MAST4: variants seen among roughly 807,000 people sequenced by gnomAD.
MAST4 encodes microtubule-associated serine/threonine-protein kinase 4.
A neutral mutation model predicts 162.7 loss-of-function variants in MAST4; 89 were observed. The ratio of observed to expected loss-of-function variants is 0.55; its 90% CI spans 0.46 to 0.65. The LOEUF (loss-of-function observed/expected upper bound fraction) is 0.65. MAST4 is among the 30% of genes least tolerant of loss of function. MAST4 has a pLI of 0.00. For missense variants in MAST4, 3,153 were observed against 3,374.0 expected, an observed-to-expected ratio of 0.93 and a Z score of 1.62; for synonymous variants, 1,479 against 1,361.1, an observed-to-expected ratio of 1.09 and a Z score of -1.91.
intron 4 of MAST4, chr5:66,958,947 C>T (rs183874810): frequency 8.7e-5 from 31 of 358,062 alleles, no homozygotes; most frequent in African/African-American, 6.3e-4. Flanking sequence ...GTGAGTAGAG[C>T]GACTTTCTTT....
chr5:66,775,985 G>A (rs989560957), intron 2 of MAST4, among the ~76,000 whole-genome samples: 1 of 152,156 alleles, frequency 6.6e-6, no homozygotes, highest in African/African-American at 2.4e-5. Flanking sequence ...AAATCTACTG[G>A]AATAGACCTA....
At chr5:66,835,732 T>C (rs1757920008) in intron 3 of MAST4, among the ~76,000 whole-genome samples, 1 of 152,204 alleles carries the variant, frequency 6.6e-6, no homozygotes, top group South Asian at 2.1e-4. Flanking sequence ...TCAAATAAAT[T>C]ATATGTAACC....
chr5:66,789,785 A>G (rs371065043), intron 3 of MAST4: 8 of 518,246 alleles, frequency 1.5e-5, no homozygotes, highest in Non-Finnish European at 2.7e-5. Context: ...ACTTTTAAGC[A>G]ATGCAAATAC....
intron 2 of MAST4, among the ~76,000 whole-genome samples, chr5:66,765,028 T>A (rs1010921537): frequency 6.6e-6 from 1 of 152,202 alleles, no homozygotes; most frequent in Admixed American, 6.5e-5. Context: ...TGTTTAGATA[T>A]GCACATACTG....
intron 3 of MAST4, among the ~76,000 whole-genome samples, chr5:66,854,050 T>C (rs1759500081): frequency 6.6e-6 from 1 of 152,166 alleles, no homozygotes; most frequent in African/African-American, 2.4e-5. Context: ...CATTTTTATT[T>C]ATTTATTTAT....
intron 3 of MAST4, among the ~76,000 whole-genome samples, chr5:66,808,191 G>A (rs909031677): frequency 6.6e-6 from 1 of 152,174 alleles, no homozygotes; most frequent in Non-Finnish European, 1.5e-5. Flanking sequence ...TGTGGGAAGA[G>A]CATTGCTTTA....
chr5:66,927,307 A>G (rs1049725538), intron 4 of MAST4, among the ~76,000 whole-genome samples: 1 of 152,228 alleles, frequency 6.6e-6, no homozygotes, highest in Admixed American at 6.5e-5. Flanking sequence ...ACCTCCAGAT[A>G]TGTAATTATT....
At chr5:67,092,160 T>C (rs1366333147) in intron 6 of MAST4, among the ~76,000 whole-genome samples, 1 of 152,218 alleles carries the variant, frequency 6.6e-6, no homozygotes, top group Non-Finnish European at 1.5e-5. Flanking sequence ...AATGTCATTT[T>C]GAGACTCCCA....
At chr5:67,000,378 G>T (rs1472493894) in intron 4 of MAST4, among the ~76,000 whole-genome samples, 1 of 152,190 alleles carries the variant, frequency 6.6e-6, no homozygotes, top group Non-Finnish European at 1.5e-5. Context: ...TCTTTTCATA[G>T]AATCTAAGTT....
intron 3 of MAST4, among the ~76,000 whole-genome samples, chr5:66,864,538 C>T (rs965345989): frequency 2.6e-5 from 4 of 152,012 alleles, no homozygotes; most frequent in Admixed American, 6.6e-5. Flanking sequence ...TTGCATATTA[C>T]GGCATCTTCC....
chr5:66,718,252 TGTTTG>T (rs1750975701), intron 1 of MAST4, among the ~76,000 whole-genome samples: 2 of 150,874 alleles, frequency 1.3e-5, no homozygotes, highest in African/African-American at 5.0e-5. Context: ...AGGTTTTTTT[TGTTTG>T]TTTTTTTGTT....
intron 1 of MAST4, among the ~76,000 whole-genome samples, chr5:66,652,333 C>A (rs1746280572): frequency 6.6e-6 from 1 of 152,072 alleles, no homozygotes; most frequent in African/African-American, 2.4e-5. Context: ...AATCATATCA[C>A]CCTGCATAGT....
chr5:67,127,385 C>CAAAAAAA (rs1768378803), intron 14 of MAST4, among the ~76,000 whole-genome samples: 1 of 152,036 alleles, frequency 6.6e-6, no homozygotes, highest in African/African-American at 2.4e-5. Flanking sequence ...ATAAATAGCT[C>CAAAAAAA]TTATTATTTT....
At chr5:66,647,394 G>A (rs183459479) in intron 1 of MAST4, among the ~76,000 whole-genome samples, 55 of 151,424 alleles carry the variant, frequency 3.6e-4, no homozygotes, top group South Asian at 1.5e-3. Flanking sequence ...ATTTTTTTTC[G>A]TTTTCATTGC....
At chr5:66,773,173 A>G (rs1341883184) in intron 2 of MAST4, among the ~76,000 whole-genome samples, 1 of 152,204 alleles carries the variant, frequency 6.6e-6, no homozygotes, top group East Asian at 1.9e-4. Context: ...CAGGAAAAAG[A>G]GTAGGTCAAG....
At chr5:66,850,182 C>T (rs1759200506) in intron 3 of MAST4, among the ~76,000 whole-genome samples, 1 of 152,190 alleles carries the variant, frequency 6.6e-6, no homozygotes, top group Non-Finnish European at 1.5e-5. Context: ...GCCTCAACAG[C>T]TGAAGCCCGA....
chr5:66,740,675 A>T (rs1212240723), intron 1 of MAST4, among the ~76,000 whole-genome samples: 1 of 152,204 alleles, frequency 6.6e-6, no homozygotes, highest in East Asian at 1.9e-4. Context: ...ACATGATTCA[A>T]AAAAGCAGAG....
At chr5:66,875,921 C>G (rs1362858763) in intron 3 of MAST4, among the ~76,000 whole-genome samples, 1 of 152,086 alleles carries the variant, frequency 6.6e-6, no homozygotes, top group African/African-American at 2.4e-5. Flanking sequence ...ACTGTCACAC[C>G]CAGCTCACGT....
chr5:67,105,788 G>A (rs1429281388), intron 10 of MAST4, among the ~76,000 whole-genome samples: 1 of 152,198 alleles, frequency 6.6e-6, no homozygotes, highest in Non-Finnish European at 1.5e-5. Context: ...ATCACGCACA[G>A]ATGACATCGT....
Sources: allele counts gnomAD v4.1 joint callset (sites outside exome capture counted in the v4.1 genomes callset), GRCh38; gene constraint gnomAD v4.1.1; transcripts MANE v1.5; gene names NCBI Gene and HGNC (gene_info 2026-07-23, HGNC 2026-07-21).